ABCB11: variants seen among roughly 807,000 people sequenced by gnomAD.
ABCB11 encodes bile salt export pump.
In ABCB11, 95 loss-of-function variants were observed where a neutral mutation model predicts 148.0. The observed-to-expected ratio is 0.64, with a 90% CI of 0.54 to 0.76. The LOEUF is 0.76. Among genes scored for constraint, ABCB11 ranks in the 30% least tolerant of loss-of-function variants. The pLI is 0.00. For synonymous variants in ABCB11, 591 were observed against 555.4 expected (o/e 1.06, Z -0.90); for missense variants, 1,523 against 1,617.8 (o/e 0.94, Z 1.01).
At chr2:169,010,407 T>A (rs969081730) in intron 5 of ABCB11, among the ~76,000 whole-genome samples, 4 of 152,190 alleles carry the variant, frequency 2.6e-5, no homozygotes, top group African/African-American at 9.6e-5. Flanking sequence ...CTGACAGCCA[T>A]CTGGAAGGCT....
intron 1 of ABCB11, 119 bp from the exon 2 acceptor site, chr2:169,018,271 C>G (rs540788109): frequency 2.2e-6 from 2 of 897,334 alleles, no homozygotes; most frequent in South Asian, 3.4e-5. Flanking sequence ...CAATCTCAGA[C>G]AAAAGTTTTA....
downstream of ABCB11, among the ~76,000 whole-genome samples, chr2:168,917,670 A>C (rs564618320): frequency 7.4e-4 from 113 of 152,326 alleles, no homozygotes; most frequent in African/African-American, 2.5e-3. Flanking sequence ...ACATCCTGCA[A>C]AACTGAAGTT....
chr2:168,973,701 T>C lies in ABCB11; in HGVS notation c.1434+14A>G, dbSNP rs201816834. 3.1e-4 allele frequency: 504 copies of C among 1,610,968 alleles called. 2 individuals are homozygous for C. Among genetic ancestry groups the C allele is most frequent in the Non-Finnish European group, 4.0e-4 (475 of 1,177,770 alleles). Reference sequence around the variant, plus strand: ...CTGTCCCCATGTATTGAGGAGTTTCTGGAAGACACCCACCATTCCTTCACA... The same window carrying C: ...CTGTCCCCATGTATTGAGGAGTTTCCGGAAGACACCCACCATTCCTTCACA... On this transcript the variant is annotated intron_variant, in intron 13 of 27. Transcript: ENST00000650372.
chr2:168,993,827 G>C lies in ABCB11; in HGVS notation c.667C>G (p.Arg223Gly). ...AAACCACAGATGGTCGAGGTCATGC[G>C]CTGAATGAAAAGGGCCATTTGGTCA... is the stretch of plus-strand genomic sequence containing the variant. Reference protein sequence around the residue: ...IADQMALFIQRMTSTICGFLL... With the variant: ...IADQMALFIQGMTSTICGFLL... The change falls in exon 8 of 28, where the codon CGC becomes GGC. Residue 223 changes from arginine to glycine, a missense_variant. Arg to Gly is a moderately radical substitution (Grantham distance 125). Transcript: ENST00000650372. 6.2e-7 allele frequency: 1 copy of C among 1,611,400 alleles called. No homozygotes were observed. The highest frequency in any genetic ancestry group is 8.5e-7 in the Non-Finnish European group (1 of 1,178,552).
intron 4 of ABCB11, 68 bp downstream of exon 4, chr2:169,014,235 A>AGG: frequency 8.2e-5 from 89 of 1,088,706 alleles, no homozygotes; most frequent in Middle Eastern, 2.0e-4. Context: ...AAGATTTAAC[A>AGG]CTCCCCTCAT....
intron 21 of ABCB11, among the ~76,000 whole-genome samples, chr2:168,937,680 G>A (rs887176095): frequency 6.6e-6 from 1 of 152,182 alleles, no homozygotes; most frequent in African/African-American, 2.4e-5. Flanking sequence ...CTTATTCAAT[G>A]AAGATTAATG....
At chr2:168,934,545 A>G (rs1405786115) in intron 23 of ABCB11, among the ~76,000 whole-genome samples, 1 of 152,220 alleles carries the variant, frequency 6.6e-6, no homozygotes, top group Non-Finnish European at 1.5e-5. Flanking sequence ...CTTCACCTGT[A>G]TGGCCCATGC....
intron 18 of ABCB11, 43 bp from the exon 19 acceptor site, chr2:168,958,171 A>T (rs1427362878): frequency 2.5e-6 from 4 of 1,576,976 alleles, no homozygotes; most frequent in Non-Finnish European, 3.5e-6. Context: ...AAATGTACTC[A>T]AGACATTTTG....
Position 168,986,243 on chromosome 2 carries a change from C to G in ABCB11, c.950G>C (p.Arg317Thr), listed in dbSNP as rs368142114. ...NLVFAQRWGIRKGIVMGFFTG... is the reference protein window; with the variant it reads ...NLVFAQRWGITKGIVMGFFTG... ...AAAGAATCCCATCACTATTCCTTTT[C>G]TAATTCCCCAACGCTGGGCGAACAC... is the stretch of plus-strand genomic sequence containing the variant. The change falls in exon 10 of 28, where the codon AGA (arginine) becomes ACA (threonine). Residue 317 changes from arginine (R) to threonine (T), a missense_variant. Arg to Thr is a moderately conservative substitution (Grantham distance 71). Coordinates refer to ENST00000650372, the MANE Select transcript of ABCB11 (RefSeq NM_003742.4). 42 of 1,613,164 alleles carry G rather than the reference C, an allele frequency of 2.6e-5. No homozygotes were observed. The highest frequency in any genetic ancestry group is 3.5e-5 in the Non-Finnish European group (41 of 1,179,606).
At chr2:168,970,713 T>C (rs561787357) in intron 14 of ABCB11, 2 of 243,208 alleles carry the variant, frequency 8.2e-6, no homozygotes, top group Admixed American at 1.0e-4. Flanking sequence ...ATCTAATAAT[T>C]AGGTGTTAGT....
chr2:168,970,191 C>A lies in ABCB11; in HGVS notation c.1663G>T (p.Gly555Ter). 1 of 1,612,206 alleles carries A rather than the reference C, an allele frequency of 6.2e-7. No individual in the cohort carries two copies. Among genetic ancestry groups the A allele is most frequent in the Non-Finnish European group, 8.5e-7 (1 of 1,178,920 alleles). Residue 555 changes from glycine to a stop codon, truncating the protein, a stop_gained, in exon 15 of 28, where the codon GGA (glycine) becomes TGA (stop). Coordinates refer to ENST00000650372, the MANE Select transcript of ABCB11 (RefSeq NM_003742.4). LOFTEE classifies it high-confidence loss of function. The stretch of plus-strand genomic sequence containing the variant: ...TGGCCACCACTCATCTGGCCTCCTC[C>A]TTCTCCAACAAGGGTGTCAAATTGC... ...PQQFDTLVGE[G>*]GGQMSGGQKQ...
rs201451201 is a variant in ABCB11 at position 168,933,926 on chromosome 2, A to AT, written c.3056+1257dup. Reference sequence around the variant, plus strand: ...ATCACCATACCTGGCTAATTTTTGTATTTTTTTGTAGAGATGAGGTTTCGC... The same window carrying AT: ...ATCACCATACCTGGCTAATTTTTGTATTTTTTTTGTAGAGATGAGGTTTCGC... On this transcript the variant is annotated intron_variant, in intron 23 of 27. Transcript: ENST00000650372. 8.8e-3 allele frequency among the ~76,000 whole-genome samples: 1,330 copies of AT among 151,774 alleles called. 17 individuals carry two copies. Among genetic ancestry groups the AT allele is most frequent in the African/African-American group, 0.029 (1,218 of 41,380 alleles).
intron 21 of ABCB11, among the ~76,000 whole-genome samples, chr2:168,936,659 G>C (rs1243051720): frequency 6.6e-6 from 1 of 152,028 alleles, no homozygotes; most frequent in Non-Finnish European, 1.5e-5. Flanking sequence ...CAAAAACTCT[G>C]TATCCATTAA....
intron 14 of ABCB11, among the ~76,000 whole-genome samples, chr2:168,971,369 G>C (rs1693572258): frequency 6.6e-6 from 1 of 151,962 alleles, no homozygotes; most frequent in Admixed American, 6.6e-5. Flanking sequence ...TGAGGAGTTG[G>C]TTTTTGTAGT....
intron 11 of ABCB11, 28 bp from the exon 12 acceptor site, chr2:168,976,715 T>C (rs1331363561): frequency 4.3e-6 from 6 of 1,411,284 alleles, no homozygotes; most frequent in Admixed American, 1.7e-5. Flanking sequence ...AGGGACACAG[T>C]GTAAACTCAA....
Position 168,936,387 on chromosome 2 carries a change from AC to A in ABCB11, c.2656del (p.Val886SerfsTer5). On this transcript the variant is annotated frameshift_variant, in exon 22 of 28. Transcript: ENST00000650372. LOFTEE classifies it high-confidence loss of function. ...IGMIVNSFTN[V>X]TVAMIIAFSF... The stretch of plus-strand genomic sequence containing the variant: ...GAAGGCAATGATCATGGCCACAGTG[AC>A]GTTAGTGAAGGAATTGACTATCATC... 6.2e-7 allele frequency: 1 copy of A among 1,613,940 alleles called. No individual in the cohort carries two copies.
At chr2:169,013,664 T>C (rs1464244198) in intron 4 of ABCB11, among the ~76,000 whole-genome samples, 154 bp from the exon 5 acceptor site, 1 of 152,150 alleles carries the variant, frequency 6.6e-6, no homozygotes. Flanking sequence ...GTATACTAAT[T>C]ATATTGAAAT....
chr2:168,974,056 T>C (rs1693711088), intron 12 of ABCB11, among the ~76,000 whole-genome samples: 1 of 151,990 alleles, frequency 6.6e-6, no homozygotes, highest in Non-Finnish European at 1.5e-5. Context: ...CTTAATTATT[T>C]AACTGAGAGC....
intron 10 of ABCB11, among the ~76,000 whole-genome samples, 181 bp downstream of exon 10, chr2:168,985,929 C>CA (rs1311839405): frequency 1.3e-5 from 2 of 151,750 alleles, no homozygotes; most frequent in South Asian, 4.2e-4. Context: ...ACCTGTTTCC[C>CA]AAAAAAATTA....
Sources: allele counts gnomAD v4.1 joint callset (sites outside exome capture counted in the v4.1 genomes callset), GRCh38; gene constraint gnomAD v4.1.1; transcripts MANE v1.5; gene names NCBI Gene and HGNC (gene_info 2026-07-23, HGNC 2026-07-21).